ZNF431: variants seen among roughly 807,000 people sequenced by gnomAD.
ZNF431 encodes the protein zinc finger protein 431.
A neutral mutation model predicts 57.0 loss-of-function variants in ZNF431; 34 were observed. That is an observed-to-expected ratio of 0.60 (90% CI 0.45 to 0.79). ZNF431 has a LOEUF of 0.79. Ranked by LOEUF, ZNF431 falls within the 30% of genes least tolerant of loss-of-function variation. The probability of loss-of-function intolerance (pLI) is 0.00; values close to 1 mark genes in which losing one functional copy is unlikely to be tolerated. For missense variants in ZNF431, 607 were observed against 667.1 expected (o/e 0.91, Z 0.99); for synonymous variants, 207 against 220.3 (o/e 0.94, Z 0.54).
In ZNF431 at chr19:21,183,891, C is replaced by T; in HGVS notation, c.1588C>T (p.His530Tyr). ...TAACCAATCCTCAACTCTTACTAAA[C>T]ATAGGAAAATTCATACTAGACAGAA... Reference protein sequence around the residue: ...AFNQSSTLTKHRKIHTRQKPY... With the variant: ...AFNQSSTLTKYRKIHTRQKPY... The change falls in exon 5 of 5, where the codon CAT becomes TAT. Residue 530 changes from histidine (H) to tyrosine (Y), a missense_variant. His to Tyr is a moderately conservative substitution (Grantham distance 83). Transcript: ENST00000311048. 3 of 1,613,922 alleles carry T rather than the reference C, an allele frequency of 1.9e-6. No homozygotes were observed. Among genetic ancestry groups the T allele is most frequent in the South Asian group, 1.1e-5 (1 of 91,072 alleles).
At chr19:21,171,395 T>C (rs758687353) in intron 4 of ZNF431, among the ~76,000 whole-genome samples, 22 of 152,252 alleles carry the variant, frequency 1.4e-4, no homozygotes, top group South Asian at 4.2e-4. Context: ...TCAGTATAGG[T>C]TTCTTAACAT....
Position 21,183,983 on chromosome 19 carries a change from T to A in ZNF431, c.1680T>A (p.Asn560Lys). The A allele has an allele frequency of 6.3e-7, 1 of 1,590,608 alleles. No homozygotes were observed. The highest frequency in any genetic ancestry group is 8.5e-7 in the Non-Finnish European group (1 of 1,171,428). ...CCTCAAACCTTATTAAACAAAATAATTCATACTGGAGAGAAACTCTACAAA... is the reference window on the plus strand; with the variant it reads ...CCTCAAACCTTATTAAACAAAATAAATCATACTGGAGAGAAACTCTACAAA... ...NQSSNLIKQN[N>K]SYWRETLQMS... Residue 560 changes from asparagine to lysine, a missense_variant, in exon 5 of 5, where the codon AAT becomes AAA. Transcript: ENST00000311048.
At chr19:21,175,599 A>G (rs1971026784) in intron 4 of ZNF431, 2 of 517,948 alleles carry the variant, frequency 3.9e-6, no homozygotes, top group Non-Finnish European at 6.8e-6. Context: ...GACAGACCCC[A>G]GTGTGTGTTG....
At chr19:21,174,154 A>G (rs899666646) in intron 4 of ZNF431, among the ~76,000 whole-genome samples, 3 of 152,116 alleles carry the variant, frequency 2.0e-5, no homozygotes, top group Admixed American at 6.6e-5. Flanking sequence ...CCGGAAGCAG[A>G]TGCTGTTACA....
chr19:21,157,708 A>AT (rs921717156), intron 2 of ZNF431, among the ~76,000 whole-genome samples: 2 of 150,380 alleles, frequency 1.3e-5, no homozygotes, highest in Admixed American at 6.6e-5. Flanking sequence ...ATTTTTTTGG[A>AT]TTTTTTTAGT....
At chr19:21,151,755 A>G (rs890138534) in intron 2 of ZNF431, among the ~76,000 whole-genome samples, 2 of 152,230 alleles carry the variant, frequency 1.3e-5, no homozygotes, top group African/African-American at 4.8e-5. Context: ...ACAGAAGAAT[A>G]CAGAAAGACA....
Position 21,183,163 on chromosome 19 carries a change from C to T in ZNF431, c.860C>T (p.Pro287Leu). The change falls in exon 5 of 5, where the codon CCA becomes CTA. Residue 287 changes from proline (P) to leucine (L), a missense_variant. Physicochemically the swap from Pro to Leu is moderately conservative, Grantham distance 98 (BLOSUM62 -3). Transcript: ENST00000311048. ...AAGATAATTCATACTGGGGAGAAACCATATAGATGTGAAGAATGTGGCAAA... is the reference window on the plus strand; with the variant it reads ...AAGATAATTCATACTGGGGAGAAACTATATAGATGTGAAGAATGTGGCAAA... ...THKIIHTGEK[P>L]YRCEECGKAF... is the part of the protein sequence containing the mutation. The T allele has an allele frequency of 6.2e-6, 10 of 1,613,868 alleles. No homozygotes were observed. The highest frequency in any genetic ancestry group is 7.6e-6 in the Non-Finnish European group (9 of 1,179,928).
chr19:21,182,525 A>G, intron 4 of ZNF431, 98 bp from the exon 5 acceptor site: 1 of 1,308,410 alleles, frequency 7.6e-7, no homozygotes, highest in Non-Finnish European at 1.0e-6. Context: ...TTATTATGGC[A>G]TCTTGTTTAT....
In ZNF431 at chr19:21,183,605, C is replaced by T. The variant is rs1971277114; in HGVS notation, c.1302C>T (p.Gly434=). Residue 434 remains glycine, a synonymous_variant, in exon 5 of 5, where the codon GGC becomes GGT. Coordinates refer to ENST00000311048, the MANE Select transcript of ZNF431 (RefSeq NM_133473.4). Reference sequence around the variant, plus strand: ...AACCCTACAAATGTGAAGAATGTGGCAAAGCTTTTAACCGGTCCCCACAAC... The same window carrying T: ...AACCCTACAAATGTGAAGAATGTGGTAAAGCTTTTAACCGGTCCCCACAAC... ...GEKPYKCEEC[G]KAFNRSPQLT... 6.2e-7 allele frequency: 1 copy of T among 1,613,090 alleles called. No individual in the cohort carries two copies. The highest frequency in any genetic ancestry group is 8.5e-7 in the Non-Finnish European group (1 of 1,179,890).
At chr19:21,174,472 C>T (rs1459151425) in intron 4 of ZNF431, among the ~76,000 whole-genome samples, 1 of 152,052 alleles carries the variant, frequency 6.6e-6, no homozygotes, top group East Asian at 1.9e-4. Flanking sequence ...GGTAAATTGA[C>T]TCATTTGACC....
At chr19:21,142,220 G>T (rs527244669) in intron 1 of ZNF431, 34 bp downstream of exon 1, 2 of 1,613,030 alleles carry the variant, frequency 1.2e-6, no homozygotes, top group Admixed American at 3.3e-5. Context: ...CCGAGAGAGG[G>T]GAAGGGCTGG....
intron 4 of ZNF431, among the ~76,000 whole-genome samples, chr19:21,180,120 A>G (rs901008324): frequency 2.0e-5 from 3 of 151,360 alleles, no homozygotes; most frequent in Middle Eastern, 3.2e-3. Context: ...CTGTGTCATG[A>G]CTCTTTATCC....
Position 21,184,368 on chromosome 19 carries a change from CA to C in ZNF431, c.*339del. 1 of 179,204 alleles carries C rather than the reference CA, an allele frequency of 5.6e-6. No individual in the cohort carries two copies. Among genetic ancestry groups the C allele is most frequent in the Non-Finnish European group, 1.2e-5 (1 of 84,972 alleles). The allele number at this position is 179,204 out of a possible 1,614,324, so 11.1% of individuals were successfully genotyped here. ...CGTCTCAAAAAAAATTTATACTGTACAAAAACCCCACAAGTGTGAAAAACAT... is the reference window on the plus strand; with the variant it reads ...CGTCTCAAAAAAAATTTATACTGTACAAAACCCCACAAGTGTGAAAAACAT... On this transcript the variant is annotated 3_prime_UTR_variant, in exon 5 of 5. Coordinates refer to ENST00000311048, the MANE Select transcript of ZNF431 (RefSeq NM_133473.4).
At chr19:21,158,608 G>A (rs1412122641) in intron 2 of ZNF431, among the ~76,000 whole-genome samples, 2 of 152,144 alleles carry the variant, frequency 1.3e-5, no homozygotes, top group Admixed American at 6.6e-5. Context: ...TTGTGAATGG[G>A]ATTATGTTTT....
chr19:21,146,028 C>G (rs1970082646), intron 2 of ZNF431, among the ~76,000 whole-genome samples: 1 of 152,040 alleles, frequency 6.6e-6, no homozygotes, highest in Non-Finnish European at 1.5e-5. Flanking sequence ...CCACTGAAGA[C>G]AAATGCAGCT....
chr19:21,187,589 T>C lies in ZNF431; in HGVS notation c.*3555T>C, dbSNP rs1339282697. ...TCCATCTCTACTAAAAAATACAAAA[T>C]TAGCCCGGTGTGGTGGCGCATGCCT... On this transcript the variant is annotated 3_prime_UTR_variant, in exon 5 of 5. Transcript: ENST00000311048. 6.6e-6 allele frequency: 1 copy of C among 151,618 alleles called. No individual in the cohort carries two copies. The highest frequency in any genetic ancestry group is 6.6e-5 in the Admixed American group (1 of 15,200). 9.4% of individuals were successfully genotyped at this position (151,618 alleles called of 1,614,324 possible). A position where few individuals can be genotyped will look rare whatever the true frequency, so the allele number is the denominator to read the frequency against.
chr19:21,189,040 T>A lies in ZNF431; in HGVS notation c.*5006T>A, dbSNP rs945391906. On this transcript the variant is annotated 3_prime_UTR_variant, in exon 5 of 5. Coordinates refer to ENST00000311048, the MANE Select transcript of ZNF431 (RefSeq NM_133473.4). ...TATTTTTGATACTATTTAACCAAGA[T>A]TATCACAAAGACACAGTATTTGACA... 33 of 152,194 alleles carry A rather than the reference T, an allele frequency of 2.2e-4. No homozygotes were observed. The highest frequency in any genetic ancestry group is 7.2e-4 in the African/African-American group (30 of 41,442). 9.4% of individuals were successfully genotyped at this position (152,194 alleles called of 1,614,324 possible).
At chr19:21,156,949 T>G (rs1047826541) in intron 2 of ZNF431, among the ~76,000 whole-genome samples, 1 of 152,078 alleles carries the variant, frequency 6.6e-6, no homozygotes, top group African/African-American at 2.4e-5. Context: ...TAACTTCTTT[T>G]TCTATCTTTT....
chr19:21,194,372 GC>G lies in ZNF431; in HGVS notation c.*10339del, dbSNP rs1971567059. 1 of 151,974 alleles carries G rather than the reference GC, an allele frequency of 6.6e-6. No homozygotes were observed. Among genetic ancestry groups the G allele is most frequent in the Non-Finnish European group, 1.5e-5 (1 of 68,004 alleles). The allele number at this position is 151,974 out of a possible 1,614,324, so 9.4% of individuals were successfully genotyped here. A position where few individuals can be genotyped will look rare whatever the true frequency, so the allele number is the denominator to read the frequency against. ...AATCAGAGACAATTCAAATAAAAAA[GC>G]TTTCTATGCTCATGGATTTGAAGAA... On this transcript the variant is annotated 3_prime_UTR_variant, in exon 5 of 5. Coordinates refer to ENST00000311048, the MANE Select transcript of ZNF431 (RefSeq NM_133473.4).
Sources: gnomAD v4.1 joint callset for allele counts (sites outside exome capture counted in the v4.1 genomes callset) on GRCh38, gnomAD v4.1.1 for gene constraint, MANE v1.5 for transcripts, NCBI Gene and HGNC (gene_info 2026-07-23, HGNC 2026-07-21) for gene names.